HCN1: variants seen among roughly 807,000 people sequenced by gnomAD.
HCN1 encodes hyperpolarization activated cyclic nucleotide gated potassium channel 1.
Under a neutral mutation model 78.9 loss-of-function variants are expected in HCN1, and 13 were observed. The observed-to-expected ratio is 0.16, with a 90% CI of 0.11 to 0.26. HCN1 has a LOEUF of 0.26. Ranked by LOEUF, HCN1 falls within the 10% of genes least tolerant of loss-of-function variation. The pLI, the probability that HCN1 is intolerant of heterozygous loss-of-function variation, is 1.00. For missense variants in HCN1, 810 were observed against 1,154.3 expected, an observed-to-expected ratio of 0.70 and a Z score of 4.32; for synonymous variants, 552 against 455.5, an observed-to-expected ratio of 1.21 and a Z score of -2.70.
At chr5:45,596,256 T>C (rs755048) in intron 2 of HCN1, among the ~76,000 whole-genome samples, 71,566 of 151,906 alleles carry the variant, frequency 0.47, 19,066 homozygotes, top group Non-Finnish European at 0.58. Flanking sequence ...TAACTGTAAG[T>C]TGAGAAGCTT....
chr5:45,384,011 C>A (rs943893752), intron 4 of HCN1, among the ~76,000 whole-genome samples: 4 of 152,036 alleles, frequency 2.6e-5, no homozygotes, highest in Non-Finnish European at 5.9e-5. Flanking sequence ...TATTTATATT[C>A]TAAAACAGTA....
At chr5:45,401,904 C>T (rs970675502) in intron 3 of HCN1, among the ~76,000 whole-genome samples, 1 of 151,882 alleles carries the variant, frequency 6.6e-6, no homozygotes, top group African/African-American at 2.4e-5. Flanking sequence ...AAACAAGGTC[C>T]TTGTTTAAAA....
At chr5:45,359,113 A>T (rs1414164518) in intron 4 of HCN1, among the ~76,000 whole-genome samples, 3 of 152,030 alleles carry the variant, frequency 2.0e-5, no homozygotes, top group Non-Finnish European at 4.4e-5. Flanking sequence ...ATGTGCAGAT[A>T]ATAAATTTGT....
At chr5:45,549,800 A>G (rs1743322340) in intron 2 of HCN1, among the ~76,000 whole-genome samples, 1 of 152,154 alleles carries the variant, frequency 6.6e-6, no homozygotes, top group African/African-American at 2.4e-5. Context: ...CAAATTTACA[A>G]GAAAAAAGCA....
At chr5:45,312,412 G>A (rs557512796) in intron 5 of HCN1, among the ~76,000 whole-genome samples, 10 of 152,232 alleles carry the variant, frequency 6.6e-5, no homozygotes, top group South Asian at 2.1e-4. Context: ...AAAGAGGAAC[G>A]GCTCCAGTCT....
At chr5:45,474,534 A>G (rs1223504644) in intron 2 of HCN1, among the ~76,000 whole-genome samples, 3 of 151,860 alleles carry the variant, frequency 2.0e-5, no homozygotes, top group Non-Finnish European at 4.4e-5. Context: ...TCTTTCTAAA[A>G]CATAAGTATG....
chr5:45,604,048 AATG>A (rs1287806401), intron 2 of HCN1, among the ~76,000 whole-genome samples: 3 of 152,108 alleles, frequency 2.0e-5, no homozygotes, highest in Admixed American at 6.6e-5. Context: ...TGAGCCCTAA[AATG>A]ATGTTTCACA....
rs76651429 is a variant in HCN1, at chr5:45,556,799, C to A, written c.849+88386G>T. 1.7e-3 allele frequency among the ~76,000 whole-genome samples: 264 copies of A among 152,014 alleles called. 5 individuals are homozygous for A. The East Asian group carries it at 0.018, about 10-fold the overall frequency. Reference sequence around the variant, plus strand: ...GTTTCTTCTCCCATCAATTCTTATTCTTATTGTTTCTCATATAATTCTGTG... The same window carrying A: ...GTTTCTTCTCCCATCAATTCTTATTATTATTGTTTCTCATATAATTCTGTG... On this transcript the variant is annotated intron_variant, in intron 2 of 7. Coordinates refer to ENST00000303230, the MANE Select transcript of HCN1 (RefSeq NM_021072.4).
At chr5:45,412,147 C>T (rs1740036912) in intron 3 of HCN1, among the ~76,000 whole-genome samples, 2 of 152,092 alleles carry the variant, frequency 1.3e-5, no homozygotes, top group African/African-American at 4.8e-5. Flanking sequence ...ACATTCAAAG[C>T]TTAATGATTT....
chr5:45,433,107 G>C (rs1029829897), intron 3 of HCN1, among the ~76,000 whole-genome samples: 12 of 151,918 alleles, frequency 7.9e-5, no homozygotes, highest in Non-Finnish European at 8.8e-5. Context: ...GGAATTATGA[G>C]AGCTATAATT....
At chr5:45,396,956 T>G (rs1413150752) in intron 3 of HCN1, among the ~76,000 whole-genome samples, 1 of 152,202 alleles carries the variant, frequency 6.6e-6, no homozygotes, top group African/African-American at 2.4e-5. Flanking sequence ...AAGTTTGCTG[T>G]TTTTAAAACT....
chr5:45,611,719 C>A (rs751597834), intron 2 of HCN1, among the ~76,000 whole-genome samples: 1 of 150,360 alleles, frequency 6.7e-6, no homozygotes, highest in African/African-American at 2.4e-5. Context: ...ATGATTCTTT[C>A]TTTTAAAAAT....
At chr5:45,293,573 G>T (rs1382311663) in intron 6 of HCN1, among the ~76,000 whole-genome samples, 2 of 151,982 alleles carry the variant, frequency 1.3e-5, no homozygotes, top group African/African-American at 4.8e-5. Flanking sequence ...GAGGACCCAG[G>T]ATTGTAATAT....
At chr5:45,541,517 C>T (rs1260446478) in intron 2 of HCN1, among the ~76,000 whole-genome samples, 1 of 152,138 alleles carries the variant, frequency 6.6e-6, no homozygotes, top group Non-Finnish European at 1.5e-5. Context: ...TTCATTGAAT[C>T]TTGAACTTGT....
chr5:45,610,475 C>A (rs148818531), intron 2 of HCN1, among the ~76,000 whole-genome samples: 1 of 149,960 alleles, frequency 6.7e-6, no homozygotes, highest in Non-Finnish European at 1.5e-5. Context: ...TTATATATTG[C>A]GATATGTGTG....
chr5:45,399,915 T>C (rs1739758768), intron 3 of HCN1, among the ~76,000 whole-genome samples: 1 of 152,162 alleles, frequency 6.6e-6, no homozygotes, highest in African/African-American at 2.4e-5. Context: ...GTACATAGTA[T>C]AATAAACTCA....
chr5:45,482,526 T>C (rs896576088), intron 2 of HCN1, among the ~76,000 whole-genome samples: 3 of 152,202 alleles, frequency 2.0e-5, no homozygotes, highest in South Asian at 2.1e-4. Context: ...TCAATAAATG[T>C]AATATAGTTG....
intron 4 of HCN1, 76 bp downstream of exon 4, chr5:45,396,416 G>T: frequency 3.7e-6 from 4 of 1,086,184 alleles, no homozygotes; most frequent in Non-Finnish European, 5.5e-6. Context: ...AGATGGTGTA[G>T]TTATCTTGAA....
intron 2 of HCN1, among the ~76,000 whole-genome samples, chr5:45,588,718 G>A (rs1002941012): frequency 6.6e-6 from 1 of 152,128 alleles, no homozygotes; most frequent in African/African-American, 2.4e-5. Flanking sequence ...CAGGCTAGAT[G>A]AGGCCTTTCA....
Sources: allele counts gnomAD v4.1 joint callset (sites outside exome capture counted in the v4.1 genomes callset), GRCh38; gene constraint gnomAD v4.1.1; transcripts MANE v1.5; gene names NCBI Gene and HGNC (gene_info 2026-07-23, HGNC 2026-07-21).